DCAF1: variants seen among roughly 807,000 people sequenced by gnomAD.
The protein encoded by DCAF1 is DDB1- and CUL4-associated factor 1.
Under a neutral mutation model 128.0 loss-of-function variants are expected in DCAF1, and 15 were observed. The observed-to-expected ratio is 0.12, with a 90% CI of 0.08 to 0.18. The LOEUF (loss-of-function observed/expected upper bound fraction) is 0.18, where lower values mean the gene tolerates loss of function less well. DCAF1 is among the 10% of genes least tolerant of loss of function. The pLI is 1.00. For synonymous variants in DCAF1, 610 were observed against 603.0 expected (o/e 1.01, Z -0.17); for missense variants, 988 against 1,649.5 (o/e 0.60, Z 6.95).
At chr3:51,412,926 T>C in intron 22 of DCAF1, 67 bp downstream of exon 22, 1 of 1,592,644 alleles carries the variant, frequency 6.3e-7, no homozygotes, top group Non-Finnish European at 8.6e-7. Context: ...AAAATGTCTG[T>C]AGTACAACTT....
chr3:51,417,238 C>T (rs574112584), intron 17 of DCAF1, among the ~76,000 whole-genome samples: 5 of 152,042 alleles, frequency 3.3e-5, no homozygotes, highest in South Asian at 2.1e-4. Flanking sequence ...GGCAACATGT[C>T]GAAACCCTAT....
intron 2 of DCAF1, among the ~76,000 whole-genome samples, chr3:51,487,682 C>T (rs963714297): frequency 6.6e-6 from 1 of 151,796 alleles, no homozygotes; most frequent in South Asian, 2.1e-4. Context: ...TCCTCTTTCT[C>T]TCTCTCTCTC....
intron 3 of DCAF1, among the ~76,000 whole-genome samples, chr3:51,476,945 G>T (rs905989455): frequency 2.6e-5 from 4 of 151,374 alleles, no homozygotes; most frequent in African/African-American, 9.7e-5. Flanking sequence ...AATTAGCCGG[G>T]CTTGGTGGTG....
chr3:51,413,076 A>C lies in DCAF1; in HGVS notation c.4037-10T>G, dbSNP rs1486059236. 1.2e-6 allele frequency: 2 copies of C among 1,613,720 alleles called. No individual in the cohort carries two copies. The highest frequency in any genetic ancestry group is 1.3e-5 in the African/African-American group (1 of 74,924). ...TTCACATCAATGGTTGCTGGAAAATAGAATGTGAGAAGATTGGGATTGGAC... is the reference window on the plus strand; with the variant it reads ...TTCACATCAATGGTTGCTGGAAAATCGAATGTGAGAAGATTGGGATTGGAC... On this transcript the variant is annotated splice_polypyrimidine_tract_variant and intron_variant, in intron 21 of 24. Coordinates refer to ENST00000684031, the MANE Select transcript of DCAF1 (RefSeq NM_001387579.1).
At chr3:51,414,487 T>C in intron 19 of DCAF1, 137 bp downstream of exon 19, 2 of 1,309,396 alleles carry the variant, frequency 1.5e-6, no homozygotes. Flanking sequence ...TCACTAACAT[T>C]TCAAACCAAA....
chr3:51,463,104 C>A lies in DCAF1; in HGVS notation c.375+10G>T. The stretch of plus-strand genomic sequence containing the variant: ...AAAATAAAATTATGACTTTACTTTT[C>A]ACTAAGTACCTTTTCTTGAAAGACG... On this transcript the variant is annotated intron_variant, in intron 6 of 24. Transcript: ENST00000684031. 1 of 1,551,712 alleles carries A rather than the reference C, an allele frequency of 6.4e-7. No individual in the cohort carries two copies. The highest frequency in any genetic ancestry group is 8.7e-7 in the Non-Finnish European group (1 of 1,146,644).
chr3:51,429,638 G>T (rs1253277263), intron 11 of DCAF1, among the ~76,000 whole-genome samples, 168 bp from the exon 12 acceptor site: 2 of 151,870 alleles, frequency 1.3e-5, no homozygotes, highest in African/African-American at 4.8e-5. Context: ...AAATATCAAC[G>T]CATATTTATG....
At chr3:51,444,036 C>T in intron 6 of DCAF1, 133 bp from the exon 7 acceptor site, 2 of 732,578 alleles carry the variant, frequency 2.7e-6, no homozygotes, top group East Asian at 2.8e-5. Flanking sequence ...AGTACTACTA[C>T]AGCATCCAAT....
At chr3:51,484,935 GAC>G (rs1553654670) in intron 2 of DCAF1, among the ~76,000 whole-genome samples, 1 of 141,054 alleles carries the variant, frequency 7.1e-6, no homozygotes, top group African/African-American at 2.7e-5. Context: ...TTTTTTTTGA[GAC>G]AGAGTTTCAC....
At position 51,422,377 on chromosome 3, in the gene DCAF1, T is replaced by C. The variant is rs372014598; in HGVS notation, c.1902A>G (p.Pro634=). ...ATTCTGCCAACTGGAGCTGGATTTT[T>C]GGCACCACAGTAAGAATAGCCAGGA... ...LDVLAILTVV[P]KIQLQLAESV... is the part of the protein sequence containing the mutation. The change falls in exon 14 of 25, where the codon CCA becomes CCG. Residue 634 remains proline (P), a synonymous_variant. Transcript: ENST00000684031. 5 of 749,386 alleles carry C rather than the reference T, an allele frequency of 6.7e-6. No individual in the cohort carries two copies. The highest frequency in any genetic ancestry group is 1.2e-5 in the Non-Finnish European group (5 of 402,164). 46.4% of individuals were successfully genotyped at this position (749,386 alleles called of 1,614,324 possible). A position where few individuals can be genotyped will look rare whatever the true frequency, so the allele number is the denominator to read the frequency against.
intron 17 of DCAF1, 53 bp downstream of exon 17, chr3:51,418,063 G>A: frequency 1.3e-6 from 2 of 1,561,310 alleles, no homozygotes; most frequent in Non-Finnish European, 8.7e-7. Flanking sequence ...AATGAAGGGG[G>A]GTATAAACTA....
intron 2 of DCAF1, among the ~76,000 whole-genome samples, chr3:51,490,655 T>C (rs1166018448): frequency 6.6e-6 from 1 of 152,204 alleles, no homozygotes; most frequent in Non-Finnish European, 1.5e-5. Flanking sequence ...CCAGGCATGG[T>C]GGCTCACGCC....
intron 3 of DCAF1, among the ~76,000 whole-genome samples, chr3:51,477,829 T>G (rs1180023079): frequency 6.6e-6 from 1 of 152,162 alleles, no homozygotes; most frequent in Non-Finnish European, 1.5e-5. Flanking sequence ...TTGAGTGGAA[T>G]GAACTGATTC....
At chr3:51,482,380 GGCT>G (rs1396475577) in intron 3 of DCAF1, among the ~76,000 whole-genome samples, 1 of 150,996 alleles carries the variant, frequency 6.6e-6, no homozygotes, top group Non-Finnish European at 1.5e-5. Context: ...AGGAGATCAA[GGCT>G]GCAGTGAGCT....
Position 51,420,729 on chromosome 3 carries a change from G to A in DCAF1, c.2241C>T (p.Pro747=), listed in dbSNP as rs79512508. Residue 747 remains proline (P), a synonymous_variant, in exon 15 of 25, where the codon CCC becomes CCT. Transcript: ENST00000684031. The surrounding 1 kb of genome is among the most constrained non-coding windows in gnomAD (Gnocchi z 6.5). ...VLLSLLSIKM[P]ITDADQIRAL... ...CCCGGATTTGGTCTGCATCTGTGAT[G>A]GGCATCTTAATGGACAGTAAGGACA... 10,445 of 1,614,026 alleles carry A rather than the reference G, an allele frequency of 6.5e-3. 71 individuals carry two copies. Among genetic ancestry groups the A allele is most frequent in the Non-Finnish European group, 7.2e-3 (8,502 of 1,179,904 alleles).
At chr3:51,405,698 A>G (rs781930557) in intron 23 of DCAF1, among the ~76,000 whole-genome samples, 13 of 152,240 alleles carry the variant, frequency 8.5e-5, no homozygotes, top group Non-Finnish European at 1.8e-4. Flanking sequence ...GAGGCTCACA[A>G]GACTCATCCA....
Position 51,470,805 on chromosome 3 carries a change from T to C in DCAF1, c.187+124A>G, listed in dbSNP as rs566921183. Reference sequence around the variant, plus strand: ...TAAAACTTACCACAAAAGACGCTATTTCAATTCAAAAATTTTCCCATAAGC... The same window carrying C: ...TAAAACTTACCACAAAAGACGCTATCTCAATTCAAAAATTTTCCCATAAGC... On this transcript the variant is annotated intron_variant, in intron 4 of 24. Coordinates refer to ENST00000684031, the MANE Select transcript of DCAF1 (RefSeq NM_001387579.1). 4.1e-5 allele frequency: 23 copies of C among 557,094 alleles called. 1 individual carries two copies. The South Asian group carries it at 7.9e-4, about 19-fold the overall frequency. The allele number at this position is 557,094 out of a possible 1,614,324, so 34.5% of individuals were successfully genotyped here. A position where few individuals can be genotyped will look rare whatever the true frequency, so the allele number is the denominator to read the frequency against.
downstream of DCAF1, chr3:51,396,107 T>TAAGTC (rs1452333307): frequency 5.6e-5 from 23 of 409,712 alleles, no homozygotes; most frequent in East Asian, 3.2e-4. Context: ...GGTATGTTGT[T>TAAGTC]AAGTCCAAAA....
At chr3:51,456,412 C>T (rs112818447) in intron 6 of DCAF1, among the ~76,000 whole-genome samples, 11,220 of 152,168 alleles carry the variant, frequency 0.074, 973 homozygotes, top group East Asian at 0.33. Context: ...CAAAGCAGCC[C>T]GGAAGCTCAA....
Sources: gnomAD v4.1 joint callset for allele counts (sites outside exome capture counted in the v4.1 genomes callset) on GRCh38, gnomAD v4.1.1 for gene constraint, Gnocchi (gnomAD v3.1) non-coding constraint, MANE v1.5 for transcripts, NCBI Gene and HGNC (gene_info 2026-07-23, HGNC 2026-07-21) for gene names.